AGPAT4: variants seen among roughly 807,000 people sequenced by gnomAD.
AGPAT4 encodes 1-acylglycerol-3-phosphate O-acyltransferase 4.
AGPAT4 carries 15 observed loss-of-function variants against 48.0 expected under a neutral mutation model. The ratio of observed to expected loss-of-function variants is 0.31; its 90% CI spans 0.21 to 0.48. The LOEUF (loss-of-function observed/expected upper bound fraction) is 0.48. AGPAT4 is among the 20% of genes least tolerant of loss of function. The pLI is 0.99. For missense variants in AGPAT4, 314 were observed against 482.5 expected, an observed-to-expected ratio of 0.65 and a Z score of 3.27; for synonymous variants, 178 against 198.7, an observed-to-expected ratio of 0.90 and a Z score of 0.88.
intron 1 of AGPAT4, among the ~76,000 whole-genome samples, chr6:161,260,428 G>A (rs1783065989): frequency 6.6e-6 from 1 of 152,080 alleles, no homozygotes; most frequent in South Asian, 2.1e-4. Flanking sequence ...GGGAGGCTGA[G>A]GCAGGCGGAT....
chr6:161,144,120 C>T lies in AGPAT4; in HGVS notation c.843+2404G>A, dbSNP rs765366839. 14 of 533,154 alleles carry T rather than the reference C, an allele frequency of 2.6e-5. No homozygotes were observed. The highest frequency in any genetic ancestry group is 1.3e-4 in the South Asian group (9 of 71,496). 33.0% of individuals were successfully genotyped at this position (533,154 alleles called of 1,614,324 possible). A position where few individuals can be genotyped will look rare whatever the true frequency, so the allele number is the denominator to read the frequency against. On this transcript the variant is annotated intron_variant, in intron 7 of 8. Transcript: ENST00000320285. This position sits in a 1 kb window ranked among gnomAD's most constrained non-coding sequence, Gnocchi z 6.6. ...TAGGCTGATACAGAAAGGAATTGTC[C>T]CTTGATGTCTATTCACCACTCTGCT... is the stretch of plus-strand genomic sequence containing the variant.
At position 161,139,909 on chromosome 6, in the gene AGPAT4, G is replaced by A. The variant is rs902384405; in HGVS notation, c.844-289C>T. ...CCTGGCGCCAGGCCAGCCTGGGCTA[G>A]GATCCACCCTCTGTGGGCAGGCACC... On this transcript the variant is annotated intron_variant, in intron 7 of 8. Coordinates refer to ENST00000320285, the MANE Select transcript of AGPAT4 (RefSeq NM_020133.3). The surrounding 1 kb of genome is among the most constrained non-coding windows in gnomAD (Gnocchi z 9.1). Among the ~76,000 whole-genome samples the A allele has an allele frequency of 6.6e-6, 1 of 152,246 alleles. No homozygotes were observed. Among genetic ancestry groups the A allele is most frequent in the Non-Finnish European group, 1.5e-5 (1 of 68,042 alleles).
rs1780106090 is a variant in AGPAT4, at chr6:161,166,589, A to G, written c.179-172T>C. Among the ~76,000 whole-genome samples, 1 of 152,220 alleles carries G rather than the reference A, an allele frequency of 6.6e-6. No individual in the cohort carries two copies. Among genetic ancestry groups the G allele is most frequent in the East Asian group, 1.9e-4 (1 of 5,202 alleles). On this transcript the variant is annotated intron_variant, in intron 2 of 8. Transcript: ENST00000320285. This position sits in a 1 kb window ranked among gnomAD's most constrained non-coding sequence, Gnocchi z 6.7. ...CTTGAAAGGGTTCAGAAGCGGAAGG[A>G]AACACGAGAAAGACTTCACAACATT...
intron 2 of AGPAT4, among the ~76,000 whole-genome samples, chr6:161,175,636 T>C (rs1296531058): frequency 6.6e-6 from 1 of 152,222 alleles, no homozygotes; most frequent in African/African-American, 2.4e-5. Context: ...CTCTATCTCC[T>C]TCAGTTATGC....
intron 2 of AGPAT4, among the ~76,000 whole-genome samples, chr6:161,168,534 C>T (rs150924897): frequency 1.5e-3 from 234 of 152,206 alleles, no homozygotes; most frequent in African/African-American, 5.2e-3. Context: ...ACGGGCGCCA[C>T]GAGACAGCAA....
At chr6:161,185,276 A>C (rs1006474393) in intron 2 of AGPAT4, among the ~76,000 whole-genome samples, 1 of 149,052 alleles carries the variant, frequency 6.7e-6, no homozygotes, top group Non-Finnish European at 1.5e-5. Flanking sequence ...TTATGTTTTT[A>C]AGATGTCTTT....
In AGPAT4 at chr6:161,196,988, T is replaced by C. The variant is rs1036239613; in HGVS notation, c.179-30571A>G. 2.1e-4 allele frequency among the ~76,000 whole-genome samples: 32 copies of C among 152,048 alleles called. No homozygotes were observed. The highest frequency in any genetic ancestry group is 7.2e-4 in the African/African-American group (30 of 41,408). ...AGTCAGCTGTGAACAAGAGGCAAAG[T>C]CTGTGTCCTCTTGGAATTCTGTGTC... On this transcript the variant is annotated intron_variant, in intron 2 of 8. Coordinates refer to ENST00000320285, the MANE Select transcript of AGPAT4 (RefSeq NM_020133.3). This position sits in a 1 kb window ranked among gnomAD's most constrained non-coding sequence, Gnocchi z 4.3.
intron 1 of AGPAT4, among the ~76,000 whole-genome samples, chr6:161,268,072 G>C (rs899855131): frequency 1.3e-5 from 2 of 152,154 alleles, no homozygotes; most frequent in African/African-American, 4.8e-5. Context: ...ACCTAGCTGA[G>C]CTGCTTAATC....
At chr6:161,187,571 A>C (rs1780805975) in intron 2 of AGPAT4, among the ~76,000 whole-genome samples, 2 of 151,770 alleles carry the variant, frequency 1.3e-5, no homozygotes, top group Admixed American at 1.3e-4. Context: ...GGAGGGTCTC[A>C]CTGTCTCGCT....
Position 161,246,714 on chromosome 6 carries a change from T to C in AGPAT4, c.-89-14412A>G, listed in dbSNP as rs189529370. Reference sequence around the variant, plus strand: ...CCCTTGCTAGGTTTTAAGTGGTAAGTACCATGCCCAATAAACTAAAGCACT... The same window carrying C: ...CCCTTGCTAGGTTTTAAGTGGTAAGCACCATGCCCAATAAACTAAAGCACT... On this transcript the variant is annotated intron_variant, in intron 1 of 8. Coordinates refer to ENST00000320285, the MANE Select transcript of AGPAT4 (RefSeq NM_020133.3). The surrounding 1 kb of genome is among the most constrained non-coding windows in gnomAD (Gnocchi z 5.5). Among the ~76,000 whole-genome samples the C allele has an allele frequency of 2.0e-5, 3 of 152,316 alleles. No homozygotes were observed. The highest frequency in any genetic ancestry group is 3.9e-4 in the East Asian group (2 of 5,186).
chr6:161,132,694 G>A lies in AGPAT4; in HGVS notation c.*3846C>T, dbSNP rs972366240. On this transcript the variant is annotated 3_prime_UTR_variant, in exon 9 of 9. Coordinates refer to ENST00000320285, the MANE Select transcript of AGPAT4 (RefSeq NM_020133.3). ...GCATGTTACACATGGGCTTGCCTAA[G>A]TATTTCCTTCTCTGTGAACATCACT... 9 of 152,408 alleles carry A rather than the reference G, an allele frequency of 5.9e-5. No homozygotes were observed. The East Asian group carries it at 1.7e-3, about 29-fold the overall frequency. The allele number at this position is 152,408 out of a possible 1,614,324, so 9.4% of individuals were successfully genotyped here. A position where few individuals can be genotyped will look rare whatever the true frequency, so the allele number is the denominator to read the frequency against.
chr6:161,169,262 G>GA lies in AGPAT4; in HGVS notation c.179-2846dup, dbSNP rs138372832. Among the ~76,000 whole-genome samples, 2,272 of 150,910 alleles carry GA rather than the reference G, an allele frequency of 0.015. 54 individuals carry two copies. Among genetic ancestry groups the GA allele is most frequent in the African/African-American group, 0.053 (2,165 of 41,138 alleles). ...ACACACCAACATCCAATTTGCATCT[G>GA]AAAAAAAAATCACTCTGATTGAAAC... On this transcript the variant is annotated intron_variant, in intron 2 of 8. Transcript: ENST00000320285. This position sits in a 1 kb window ranked among gnomAD's most constrained non-coding sequence, Gnocchi z 5.0.
chr6:161,182,075 C>T (rs549148643), intron 2 of AGPAT4, among the ~76,000 whole-genome samples: 41 of 152,174 alleles, frequency 2.7e-4, no homozygotes, highest in African/African-American at 9.4e-4. Flanking sequence ...CCATCTTTGA[C>T]CCCGACCAGT....
At chr6:161,183,446 C>T (rs551273755) in intron 2 of AGPAT4, among the ~76,000 whole-genome samples, 1 of 151,586 alleles carries the variant, frequency 6.6e-6, no homozygotes, top group South Asian at 2.1e-4. Flanking sequence ...ATAGTGAAAA[C>T]CTGTCTCTAA....
chr6:161,257,575 A>C (rs891810749), intron 1 of AGPAT4, among the ~76,000 whole-genome samples: 1 of 152,232 alleles, frequency 6.6e-6, no homozygotes, highest in Non-Finnish European at 1.5e-5. Context: ...TATGTAAATT[A>C]TATCTTAGTA....
At position 161,266,951 on chromosome 6, in the gene AGPAT4, A is replaced by G. The variant is rs1420620102; in HGVS notation, c.-90+6987T>C. ...CTCATTTCAGAGTTGATCTAAGATA[A>G]GCACTGGCAGGGTCTTTGCAGATAA... is the stretch of plus-strand genomic sequence containing the variant. On this transcript the variant is annotated intron_variant, in intron 1 of 8. Coordinates refer to ENST00000320285, the MANE Select transcript of AGPAT4 (RefSeq NM_020133.3). The surrounding 1 kb of genome is among the most constrained non-coding windows in gnomAD (Gnocchi z 6.2). Among the ~76,000 whole-genome samples, 1 of 152,190 alleles carries G rather than the reference A, an allele frequency of 6.6e-6. No homozygotes were observed. The highest frequency in any genetic ancestry group is 6.5e-5 in the Admixed American group (1 of 15,270).
chr6:161,174,101 T>C (rs1184784104), intron 2 of AGPAT4, among the ~76,000 whole-genome samples: 1 of 152,232 alleles, frequency 6.6e-6, no homozygotes, highest in Non-Finnish European at 1.5e-5. Flanking sequence ...CTTTGTTCTT[T>C]CAGCCTAGGA....
intron 2 of AGPAT4, among the ~76,000 whole-genome samples, chr6:161,207,987 T>C (rs935776565): frequency 1.3e-5 from 2 of 152,024 alleles, no homozygotes; most frequent in Admixed American, 6.6e-5. Context: ...CTTGAAGACC[T>C]TTATCTTGGA....
In AGPAT4 at chr6:161,153,431, C is replaced by A. The variant is rs1779649556; in HGVS notation, c.579G>T (p.Arg193=). Residue 193 remains arginine (R), a synonymous_variant, in exon 5 of 9, where the codon CGG becomes CGT. Coordinates refer to ENST00000320285, the MANE Select transcript of AGPAT4 (RefSeq NM_020133.3). ...GCTTGAGGCGAGGCAGCCCCTTGGC[C>A]CGGGCCACCTGCATGCTGATCTCAT... ...KKHEISMQVA[R]AKGLPRLKHH... The A allele has an allele frequency of 6.2e-7, 1 of 1,612,308 alleles. No homozygotes were observed. Among genetic ancestry groups the A allele is most frequent in the African/African-American group, 1.3e-5 (1 of 74,924 alleles).
Sources: gnomAD v4.1 joint callset for allele counts (sites outside exome capture counted in the v4.1 genomes callset) on GRCh38, gnomAD v4.1.1 for gene constraint, Gnocchi (gnomAD v3.1) non-coding constraint, MANE v1.5 for transcripts, NCBI Gene and HGNC (gene_info 2026-07-23, HGNC 2026-07-21) for gene names.